The following FNBP1 variants were observed in gnomAD, a reference collection of about 807,000 sequenced individuals.
FNBP1 encodes the protein formin-binding protein 1.
In FNBP1, 26 loss-of-function variants were observed where a neutral mutation model predicts 90.6. The ratio of observed to expected loss-of-function variants is 0.29; its 90% CI spans 0.21 to 0.40. The LOEUF (loss-of-function observed/expected upper bound fraction) is 0.40. Ranked by LOEUF, FNBP1 falls within the 10% of genes least tolerant of loss-of-function variation. FNBP1 has a pLI of 1.00. For synonymous variants in FNBP1, 260 were observed against 265.2 expected (o/e 0.98, Z 0.19); for missense variants, 635 against 768.0 (o/e 0.83, Z 2.05).
Position 129,978,568 on chromosome 9 carries a change from T to C in FNBP1, c.242A>G (p.Asn81Ser), listed in dbSNP as rs745812048. 2.5e-6 allele frequency: 4 copies of C among 1,613,946 alleles called. No individual in the cohort carries two copies. The highest frequency in any genetic ancestry group is 1.7e-6 in the Non-Finnish European group (2 of 1,179,846). Residue 81 changes from asparagine to serine, a missense_variant, in exon 4 of 17, where the codon AAT becomes AGT. Asn to Ser is a conservative substitution (Grantham distance 46). Transcript: ENST00000446176. ...KAFISNLNEMNDYAGQHEVIS... is the reference protein window; with the variant it reads ...KAFISNLNEMSDYAGQHEVIS... ...AACTTCATGCTGCCCTGCGTAATCATTCATTTCGTTCAGGTTGGAAATGAA... is the reference window on the plus strand; with the variant it reads ...AACTTCATGCTGCCCTGCGTAATCACTCATTTCGTTCAGGTTGGAAATGAA...
At chr9:129,911,521 G>A (rs2039274049) in intron 11 of FNBP1, among the ~76,000 whole-genome samples, 5 of 152,150 alleles carry the variant, frequency 3.3e-5, no homozygotes, top group Admixed American at 1.3e-4. Flanking sequence ...GGGTTTTTGG[G>A]GAGATTCTTA....
At chr9:129,974,071 C>T (rs1393346726) in intron 4 of FNBP1, among the ~76,000 whole-genome samples, 1 of 152,216 alleles carries the variant, frequency 6.6e-6, no homozygotes, top group Non-Finnish European at 1.5e-5. Flanking sequence ...GATCTGCCCG[C>T]CTCAGCCTCC....
intron 16 of FNBP1, among the ~76,000 whole-genome samples, chr9:129,893,611 T>TAAAAAAAAAAAAAAAAAAAAA (rs2035327485): frequency 1.8e-3 from 1 of 564 alleles, no homozygotes; most frequent in Non-Finnish European, 3.6e-3. Context: ...AGACTCTGTC[T>TAAAAAAAAAAAAAAAAAAAAA]CAAAAAAAAA....
chr9:129,936,135 A>T (rs2043422551), intron 6 of FNBP1, among the ~76,000 whole-genome samples: 1 of 152,132 alleles, frequency 6.6e-6, no homozygotes, highest in Admixed American at 6.6e-5. Flanking sequence ...ACCTTTTGTC[A>T]CCAAAAGTTT....
At chr9:129,921,099 T>A (rs1039796433) in intron 10 of FNBP1, among the ~76,000 whole-genome samples, 2 of 152,160 alleles carry the variant, frequency 1.3e-5, no homozygotes, top group Admixed American at 1.3e-4. Flanking sequence ...ATTCTTAACC[T>A]GATATGATAG....
At chr9:130,028,338 T>A (rs2058538078) in intron 1 of FNBP1, among the ~76,000 whole-genome samples, 1 of 152,224 alleles carries the variant, frequency 6.6e-6, no homozygotes, top group African/African-American at 2.4e-5. Context: ...AGGTGTGAAC[T>A]GAGTAATTCT....
chr9:130,027,125 C>T (rs183177839), intron 1 of FNBP1, among the ~76,000 whole-genome samples: 4 of 152,034 alleles, frequency 2.6e-5, no homozygotes, highest in Admixed American at 2.6e-4. Flanking sequence ...ATGAAATGTC[C>T]CCTTTTGTGA....
chr9:129,960,048 C>T (rs1332595257), intron 4 of FNBP1, among the ~76,000 whole-genome samples: 1 of 152,066 alleles, frequency 6.6e-6, no homozygotes, highest in Non-Finnish European at 1.5e-5. Flanking sequence ...GGCTATCCCA[C>T]ATTTTGTTTA....
intron 2 of FNBP1, among the ~76,000 whole-genome samples, chr9:129,980,487 G>A (rs2051027960): frequency 6.6e-6 from 1 of 152,018 alleles, no homozygotes; most frequent in Non-Finnish European, 1.5e-5. Context: ...AATATTTTGG[G>A]GGTGTTGATG....
chr9:129,958,864 C>G (rs907817780), intron 4 of FNBP1, among the ~76,000 whole-genome samples: 2 of 150,904 alleles, frequency 1.3e-5, no homozygotes, highest in African/African-American at 4.9e-5. Context: ...CACTGATAGT[C>G]CCAGCTACTC....
chr9:129,928,334 A>G (rs10119739), intron 7 of FNBP1, among the ~76,000 whole-genome samples: 122,114 of 152,248 alleles, frequency 0.8, 49,307 homozygotes, highest in East Asian at 0.88. Context: ...TCATCCCTTT[A>G]GCAAAGACAG....
At chr9:129,976,944 TCACG>T (rs2050412690) in intron 4 of FNBP1, among the ~76,000 whole-genome samples, 1 of 152,038 alleles carries the variant, frequency 6.6e-6, no homozygotes, top group African/African-American at 2.4e-5. Context: ...GGCGGGTAGA[TCACG>T]GTGGTCTGAG....
At chr9:129,925,604 T>G (rs1245741005) in intron 8 of FNBP1, among the ~76,000 whole-genome samples, 6 of 130,490 alleles carry the variant, frequency 4.6e-5, no homozygotes, top group African/African-American at 1.4e-4. Context: ...TTTTTTTTTT[T>G]TTTTTTTTTG....
At chr9:130,046,252 G>A (rs2060059100), upstream of FNBP1, among the ~76,000 whole-genome samples, 1 of 152,028 alleles carries the variant, frequency 6.6e-6, no homozygotes, top group African/African-American at 2.4e-5. Context: ...CAAGATTAGA[G>A]GTGTGGGACT....
At chr9:130,046,274 CCA>C (rs918132494), upstream of FNBP1, among the ~76,000 whole-genome samples, 2 of 151,942 alleles carry the variant, frequency 1.3e-5, no homozygotes. Flanking sequence ...TTATCTGCAC[CCA>C]CACTGTCACT....
chr9:129,974,617 T>C (rs937756874), intron 4 of FNBP1, among the ~76,000 whole-genome samples: 3 of 152,182 alleles, frequency 2.0e-5, no homozygotes, highest in Non-Finnish European at 4.4e-5. Context: ...CCCAGCACTT[T>C]GGGAGGCTGA....
intron 4 of FNBP1, among the ~76,000 whole-genome samples, chr9:129,965,725 T>TAC (rs1564453054): frequency 1.3e-5 from 1 of 74,454 alleles, no homozygotes; most frequent in African/African-American, 4.5e-5. Flanking sequence ...CACACACACA[T>TAC]AGAAAGAAAA....
chr9:129,975,367 C>CT (rs1305491316), intron 4 of FNBP1, among the ~76,000 whole-genome samples: 1 of 152,184 alleles, frequency 6.6e-6, no homozygotes, highest in Non-Finnish European at 1.5e-5. Context: ...ATGTTTACAG[C>CT]TCCTCCCAAC....
At chr9:130,006,632 T>C (rs1000830455) in intron 1 of FNBP1, among the ~76,000 whole-genome samples, 5 of 152,158 alleles carry the variant, frequency 3.3e-5, no homozygotes, top group Non-Finnish European at 5.9e-5. Context: ...ATGGTGCCAC[T>C]GCACTCCAGC....
Sources: allele counts gnomAD v4.1 joint callset (sites outside exome capture counted in the v4.1 genomes callset), GRCh38; gene constraint gnomAD v4.1.1; transcripts MANE v1.5; gene names NCBI Gene and HGNC (gene_info 2026-07-23, HGNC 2026-07-21).